Variants in MYH4 observed in about 807,000 individuals in gnomAD.
MYH4 encodes the protein myosin heavy chain 4, also known as myosin-4.
In MYH4, 200 loss-of-function variants were observed where a neutral mutation model predicts 229.9. The ratio of observed to expected loss-of-function variants is 0.87; its 90% CI spans 0.78 to 0.98. The LOEUF is 0.98. Among genes scored for constraint, MYH4 ranks in the 50% least tolerant of loss-of-function variants. MYH4 has a pLI of 0.00. For missense variants in MYH4, 2,148 were observed against 2,332.6 expected (o/e 0.92, Z 1.63); for synonymous variants, 761 against 834.6 (o/e 0.91, Z 1.52).
In MYH4 at chr17:10,453,807, T is replaced by C; in HGVS notation, c.2770A>G (p.Lys924Glu). The change falls in exon 23 of 40, where the codon AAA becomes GAA. Residue 924 changes from lysine to glutamate, a missense_variant. Physicochemically the swap from Lys to Glu is moderately conservative, Grantham distance 56. Coordinates refer to ENST00000255381, the MANE Select transcript of MYH4 (RefSeq NM_017533.2). ...TCCTCAGCTCTTTCAGTTACCTCTT[T>C]GATTTTGGCCTCAAGTTGGATTTTG... ...KTKIQLEAKI[K>E]EVTERAEDEE... The C allele has an allele frequency of 6.2e-7, 1 of 1,614,146 alleles. No homozygotes were observed. The highest frequency in any genetic ancestry group is 2.2e-5 in the East Asian group (1 of 44,878).
chr17:10,460,702 A>G (rs2072691956), intron 12 of MYH4, among the ~76,000 whole-genome samples: 1 of 152,270 alleles, frequency 6.6e-6, no homozygotes, highest in African/African-American at 2.4e-5. Flanking sequence ...GTCAAATAGC[A>G]AATATGAGCT....
intron 22 of MYH4, 32 bp downstream of exon 22, chr17:10,454,523 G>A (rs780044030): frequency 6.2e-7 from 1 of 1,600,120 alleles, no homozygotes; most frequent in Admixed American, 1.7e-5. Flanking sequence ...AAAGTAATAA[G>A]ATGTGGCTGA....
At chr17:10,454,312 A>G (rs1437528318) in intron 22 of MYH4, among the ~76,000 whole-genome samples, 1 of 152,226 alleles carries the variant, frequency 6.6e-6, no homozygotes, top group East Asian at 1.9e-4. Flanking sequence ...AGAAAGTTCC[A>G]TAAATAAAGG....
rs1426812861 is a variant in MYH4 at position 10,453,264 on chromosome 17, T to C, written c.2999A>G (p.Lys1000Arg). 2.5e-6 allele frequency: 4 copies of C among 1,613,976 alleles called. No homozygotes were observed. The highest frequency in any genetic ancestry group is 3.4e-6 in the Non-Finnish European group (4 of 1,180,022). Residue 1000 changes from lysine (K) to arginine (R), a missense_variant, in exon 24 of 40, where the codon AAG becomes AGG. Transcript: ENST00000255381. ...CTGGTGGGCCTCCTGGAGAGCCTTCTTCTCCTTGGTCAGCTTAGCAATGGT... is the reference window on the plus strand; with the variant it reads ...CTGGTGGGCCTCCTGGAGAGCCTTCCTCTCCTTGGTCAGCTTAGCAATGGT... ...DETIAKLTKE[K>R]KALQEAHQQT...
In MYH4 at chr17:10,448,639, G is replaced by T; in HGVS notation, c.4510C>A (p.Arg1504=). 1 of 1,613,932 alleles carries T rather than the reference G, an allele frequency of 6.2e-7. No individual in the cohort carries two copies. Among genetic ancestry groups the T allele is most frequent in the African/African-American group, 1.3e-5 (1 of 75,038 alleles). ...TCACGTTGTAAGTTCTTATTCTCTC[G>T]CTTTAGAGTTTCAAGATGATCCAGG... The part of the protein sequence containing the change: ...ESLDHLETLK[R]ENKNLQQEIS... Residue 1504 remains arginine, a synonymous_variant, in exon 32 of 40, where the codon CGA becomes AGA. Coordinates refer to ENST00000255381, the MANE Select transcript of MYH4 (RefSeq NM_017533.2).
intron 11 of MYH4, 103 bp downstream of exon 11, chr17:10,462,762 A>T (rs1374696510): frequency 3.3e-6 from 3 of 895,720 alleles, no homozygotes; most frequent in Non-Finnish European, 5.0e-6. Context: ...GGGTTGTATT[A>T]CCTATTTATA....
intron 16 of MYH4, among the ~76,000 whole-genome samples, chr17:10,456,828 A>G (rs542293347): frequency 2.0e-5 from 3 of 152,352 alleles, no homozygotes; most frequent in African/African-American, 7.2e-5. Flanking sequence ...CCCCTACTCC[A>G]AGTCAGCAAT....
rs1399751348 is a variant in MYH4 at position 10,455,680 on chromosome 17, A to G, written c.2108T>C (p.Leu703Pro). ...TTTCCTGCAGATGCGGATGCCTTCC[A>G]GCACACCGTTACACCTCAGCTGATG... Reference protein sequence around the residue: ...VLHQLRCNGVLEGIRICRKGF... With the variant: ...VLHQLRCNGVPEGIRICRKGF... The change falls in exon 19 of 40, where the codon CTG (leucine) becomes CCG (proline). Residue 703 changes from leucine (L) to proline (P), a missense_variant. Transcript: ENST00000255381. The G allele has an allele frequency of 6.2e-7, 1 of 1,614,180 alleles. No homozygotes were observed. Among genetic ancestry groups the G allele is most frequent in the Non-Finnish European group, 8.5e-7 (1 of 1,180,014 alleles).
In MYH4 at chr17:10,445,042, A is replaced by T; in HGVS notation, c.5400T>A (p.Arg1800=). Residue 1800 remains arginine (R), a synonymous_variant, in exon 37 of 40, where the codon CGT becomes CGA. Transcript: ENST00000255381. The part of the protein sequence containing the change: ...MEQTVKDLQL[R]LDEAEQLALK... ...GCGCCAGCTGCTCAGCCTCATCCAG[A>T]CGGAGCTGCAGATCCTTCACGGTCT... 1 of 1,614,016 alleles carries T rather than the reference A, an allele frequency of 6.2e-7. No homozygotes were observed. Among genetic ancestry groups the T allele is most frequent in the Non-Finnish European group, 8.5e-7 (1 of 1,179,990 alleles).
At position 10,445,112 on chromosome 17, in the gene MYH4, T is replaced by C; in HGVS notation, c.5330A>G (p.Gln1777Arg). The change falls in exon 37 of 40, where the codon CAG (glutamine) becomes CGG (arginine). Residue 1777 changes from glutamine (Q) to arginine (R), a missense_variant. Physicochemically the swap from Gln to Arg is conservative, Grantham distance 43 (BLOSUM62 1). Coordinates refer to ENST00000255381, the MANE Select transcript of MYH4 (RefSeq NM_017533.2). ...CCGCTCCAGGTGGGCGCTGGTGTCC[T>C]GTTCCTTCTTCAGCTCCTCAGCCAT... is the stretch of plus-strand genomic sequence containing the variant. ...AMMAEELKKEQDTSAHLERMK... is the reference protein window; with the variant it reads ...AMMAEELKKERDTSAHLERMK... 1 of 1,614,194 alleles carries C rather than the reference T, an allele frequency of 6.2e-7. No individual in the cohort carries two copies. Among genetic ancestry groups the C allele is most frequent in the Non-Finnish European group, 8.5e-7 (1 of 1,180,026 alleles).
At chr17:10,445,389 G>T (rs1166654910) in intron 35 of MYH4, 27 bp from the exon 36 acceptor site, 8 of 1,526,166 alleles carry the variant, frequency 5.2e-6, no homozygotes, top group Non-Finnish European at 7.0e-6. Flanking sequence ...AAAGAGAAGA[G>T]AAGCACATTT....
intron 22 of MYH4, 147 bp downstream of exon 22, chr17:10,454,408 T>C: frequency 3.8e-6 from 4 of 1,050,278 alleles, no homozygotes; most frequent in Non-Finnish European, 5.6e-6. Flanking sequence ...CAGCATGATA[T>C]GTGACTTTGC....
At position 10,460,647 on chromosome 17, in the gene MYH4, A is replaced by G. The variant is rs75091045; in HGVS notation, c.1147+269T>C. 1.5e-4 allele frequency among the ~76,000 whole-genome samples: 23 copies of G among 152,350 alleles called. 1 individual carries two copies. The East Asian group carries it at 4.4e-3, about 29-fold the overall frequency. ...AAATATTCAGATCTCTGTTTCTTTC[A>G]GTGCCTGTGGGCACACAGATTATCC... On this transcript the variant is annotated intron_variant, in intron 12 of 39. Coordinates refer to ENST00000255381, the MANE Select transcript of MYH4 (RefSeq NM_017533.2).
rs1260403095 is a variant in MYH4 at position 10,459,539 on chromosome 17, G to T, written c.1417-118C>A. The T allele has an allele frequency of 3.3e-6, 5 of 1,519,600 alleles. No homozygotes were observed. In the Admixed American group the frequency reaches 5.8e-5, roughly 18 times the overall value. 94.1% of individuals were successfully genotyped at this position (1,519,600 alleles called of 1,614,324 possible). On this transcript the variant is annotated intron_variant, in intron 14 of 39. Coordinates refer to ENST00000255381, the MANE Select transcript of MYH4 (RefSeq NM_017533.2). ...TGGTTTATTAAATTATAAACCTTCA[G>T]ATTGTTTTCCTATTATATAGTTCTA...
chr17:10,460,006 C>T lies in MYH4; in HGVS notation c.1362G>A (p.Gln454=), dbSNP rs757974865. The T allele has an allele frequency of 6.2e-7, 1 of 1,613,962 alleles. No individual in the cohort carries two copies. The highest frequency in any genetic ancestry group is 8.5e-7 in the Non-Finnish European group (1 of 1,179,978). ...AGACCCCGATGAAGTACTGCCTGGG[C>T]TGCTTGGTGTCCAGCTGCTGGTTGA... ...TRINQQLDTK[Q]PRQYFIGVLD... Residue 454 remains glutamine (Q), a synonymous_variant, in exon 14 of 40, where the codon CAG becomes CAA. Transcript: ENST00000255381.
In MYH4 at chr17:10,466,651, A is replaced by G. The variant is rs1424713706; in HGVS notation, c.95T>C (p.Phe32Ser). 4 of 1,614,082 alleles carry G rather than the reference A, an allele frequency of 2.5e-6. No homozygotes were observed. Among genetic ancestry groups the G allele is most frequent in the Non-Finnish European group, 3.4e-6 (4 of 1,180,052 alleles). ...CACAAAGACTGATGTCTTGGCATCA[A>G]AAGGCTTGTTCTGAGCTTCAATTCG... ...KERIEAQNKPFDAKTSVFVVD... is the reference protein window; with the variant it reads ...KERIEAQNKPSDAKTSVFVVD... Residue 32 changes from phenylalanine (F) to serine (S), a missense_variant, in exon 3 of 40, where the codon TTT (phenylalanine) becomes TCT (serine). Coordinates refer to ENST00000255381, the MANE Select transcript of MYH4 (RefSeq NM_017533.2).
chr17:10,447,802 A>T lies in MYH4; in HGVS notation c.4965+16T>A, dbSNP rs749419322. 5.0e-6 allele frequency: 8 copies of T among 1,593,106 alleles called. No individual in the cohort carries two copies. Among genetic ancestry groups the T allele is most frequent in the African/African-American group, 1.3e-5 (1 of 74,652 alleles). On this transcript the variant is annotated intron_variant, in intron 34 of 39. Coordinates refer to ENST00000255381, the MANE Select transcript of MYH4 (RefSeq NM_017533.2). ...ACTGAGACTGTACAACACTATGTGT[A>T]TTTACCCCAGCATACCTTCAGTATT...
At chr17:10,456,753 C>T (rs2072643999) in intron 16 of MYH4, among the ~76,000 whole-genome samples, 198 bp from the exon 17 acceptor site, 2 of 152,158 alleles carry the variant, frequency 1.3e-5, no homozygotes, top group African/African-American at 4.8e-5. Flanking sequence ...TATAGTCATT[C>T]ATGAAAAAAC....
chr17:10,454,791 G>A lies in MYH4; in HGVS notation c.2455C>T (p.Gln819Ter). 1 of 1,613,998 alleles carries A rather than the reference G, an allele frequency of 6.2e-7. No homozygotes were observed. Among genetic ancestry groups the A allele is most frequent in the South Asian group, 1.1e-5 (1 of 91,038 alleles). ...TTCATGAAAGCACGGATGTTGTACT[G>A]AATGCAGAAGATGGACTCTCTGTAG... ...MERRESIFCI[Q>*]YNIRAFMNVK... The change falls in exon 22 of 40, where the codon CAG becomes TAG. Residue 819 changes from glutamine (Q) to a stop codon, truncating the protein, a stop_gained. Transcript: ENST00000255381. LOFTEE classifies it high-confidence loss of function.
Sources: allele counts gnomAD v4.1 joint callset (sites outside exome capture counted in the v4.1 genomes callset), GRCh38; gene constraint gnomAD v4.1.1; transcripts MANE v1.5; gene names NCBI Gene and HGNC (gene_info 2026-07-23, HGNC 2026-07-21).